ZNRF3: variants seen among roughly 807,000 people sequenced by gnomAD.
The protein encoded by ZNRF3 is E3 ubiquitin-protein ligase ZNRF3.
ZNRF3 carries 23 observed loss-of-function variants against 72.5 expected under a neutral mutation model. That is an observed-to-expected ratio of 0.32 (90% CI 0.23 to 0.45). The LOEUF (loss-of-function observed/expected upper bound fraction) is 0.45, where lower values mean the gene tolerates loss of function less well. Among genes scored for constraint, ZNRF3 ranks in the 20% least tolerant of loss-of-function variants. The pLI is 1.00. For synonymous variants in ZNRF3, 610 were observed against 545.3 expected (o/e 1.12, Z -1.65); for missense variants, 1,169 against 1,272.1 (o/e 0.92, Z 1.23).
chr22:28,939,318 T>G (rs1312798313), intron 1 of ZNRF3, among the ~76,000 whole-genome samples: 3 of 151,544 alleles, frequency 2.0e-5, no homozygotes, highest in Non-Finnish European at 4.4e-5. Flanking sequence ...CAAAATATAC[T>G]TCATATGTTT....
intron 1 of ZNRF3, among the ~76,000 whole-genome samples, chr22:28,903,975 C>T (rs948728164): frequency 1.3e-5 from 2 of 151,960 alleles, no homozygotes; most frequent in Non-Finnish European, 2.9e-5. Context: ...TGGGCCTTCC[C>T]GCTCAACACC....
At chr22:28,886,020 CTTAATTCCCT>C (rs1224224892) in intron 1 of ZNRF3, among the ~76,000 whole-genome samples, 1 of 151,872 alleles carries the variant, frequency 6.6e-6, no homozygotes, top group African/African-American at 2.4e-5. Context: ...AATAGGTGTC[CTTAATTCCCT>C]TATAGCTGCA....
rs2037282515 is a variant in ZNRF3 at position 29,055,456 on chromosome 22, T to C, written c.*1834T>C. 1 of 152,256 alleles carries C rather than the reference T, an allele frequency of 6.6e-6. No homozygotes were observed. The highest frequency in any genetic ancestry group is 6.5e-5 in the Admixed American group (1 of 15,288). The allele number at this position is 152,256 out of a possible 1,614,324, so 9.4% of individuals were successfully genotyped here. A position where few individuals can be genotyped will look rare whatever the true frequency, so the allele number is the denominator to read the frequency against. Reference sequence around the variant, plus strand: ...GAATGTTTTTCTTAACCTCAGCGTATGATGAGGAAATTTACTTATCTCTAG... The same window carrying C: ...GAATGTTTTTCTTAACCTCAGCGTACGATGAGGAAATTTACTTATCTCTAG... On this transcript the variant is annotated 3_prime_UTR_variant, in exon 9 of 9. Coordinates refer to ENST00000544604, the MANE Select transcript of ZNRF3 (RefSeq NM_001206998.2).
At chr22:28,899,176 A>T (rs775487670) in intron 1 of ZNRF3, among the ~76,000 whole-genome samples, 8 of 152,122 alleles carry the variant, frequency 5.3e-5, no homozygotes, top group Non-Finnish European at 8.8e-5. Context: ...ATTAGGCTTA[A>T]ATCTCTAGGA....
At chr22:29,033,570 G>A (rs79127726) in intron 2 of ZNRF3, among the ~76,000 whole-genome samples, 1 of 152,132 alleles carries the variant, frequency 6.6e-6, no homozygotes, top group Non-Finnish European at 1.5e-5. Context: ...GGTGGGCTGG[G>A]CTGAGGAGCC....
chr22:28,920,291 G>C (rs1383234437), intron 1 of ZNRF3, among the ~76,000 whole-genome samples: 1 of 146,928 alleles, frequency 6.8e-6, no homozygotes, highest in African/African-American at 2.5e-5. Context: ...TTTGTTTTGA[G>C]ACAGAGTCTC....
At chr22:28,975,502 T>C in intron 1 of ZNRF3, among the ~76,000 whole-genome samples, 1 of 97,062 alleles carries the variant, frequency 1.0e-5, no homozygotes, top group Non-Finnish European at 2.0e-5. Context: ...AGCGATACTC[T>C]GTCTCAAAAA....
intron 2 of ZNRF3, among the ~76,000 whole-genome samples, chr22:28,992,514 TG>T (rs956223288): frequency 6.6e-6 from 1 of 152,042 alleles, no homozygotes; most frequent in Admixed American, 6.6e-5. Context: ...ATGAACTCTC[TG>T]GGTTTTGAGT....
At chr22:29,051,313 C>A (rs892483300) in intron 8 of ZNRF3, among the ~76,000 whole-genome samples, 1 of 152,064 alleles carries the variant, frequency 6.6e-6, no homozygotes, top group East Asian at 1.9e-4. Context: ...TTTGGGAGGC[C>A]GAGGCTGTGG....
At chr22:28,949,010 G>A (rs752736493) in intron 1 of ZNRF3, among the ~76,000 whole-genome samples, 2 of 152,004 alleles carry the variant, frequency 1.3e-5, no homozygotes, top group African/African-American at 4.8e-5. Flanking sequence ...GTGGAGTTTC[G>A]CTCCTGTTGC....
chr22:28,953,428 A>T (rs1414186287), intron 1 of ZNRF3, among the ~76,000 whole-genome samples: 1 of 152,178 alleles, frequency 6.6e-6, no homozygotes, highest in African/African-American at 2.4e-5. Context: ...TTGTCTCTTA[A>T]GTTGCTTTAA....
At chr22:28,892,594 A>G (rs1400576886) in intron 1 of ZNRF3, among the ~76,000 whole-genome samples, 1 of 152,182 alleles carries the variant, frequency 6.6e-6, no homozygotes, top group Admixed American at 6.5e-5. Flanking sequence ...TTAAAATCTG[A>G]CTTTCAGTGG....
chr22:29,053,723 A>G lies in ZNRF3; in HGVS notation c.*101A>G. ...CAAAAAATTTTTTTAGCTTTGACAA[A>G]CACACAAAAGTGGTAATAAAGAGAG... On this transcript the variant is annotated 3_prime_UTR_variant, in exon 9 of 9. Transcript: ENST00000544604. 7.8e-7 allele frequency: 1 copy of G among 1,275,166 alleles called. No individual in the cohort carries two copies. Among genetic ancestry groups the G allele is most frequent in the Non-Finnish European group, 1.1e-6 (1 of 916,616 alleles). 79.0% of individuals were successfully genotyped at this position (1,275,166 alleles called of 1,614,324 possible). A position where few individuals can be genotyped will look rare whatever the true frequency, so the allele number is the denominator to read the frequency against.
intron 1 of ZNRF3, among the ~76,000 whole-genome samples, chr22:28,898,459 CCTGGGAACATTG>C (rs1213598160): frequency 6.6e-6 from 1 of 152,194 alleles, no homozygotes. Flanking sequence ...GTGTGCCTGC[CCTGGGAACATTG>C]TTCAGAACAT....
intron 1 of ZNRF3, among the ~76,000 whole-genome samples, chr22:28,939,013 G>A (rs373530160): frequency 2.6e-5 from 4 of 152,106 alleles, no homozygotes; most frequent in African/African-American, 7.2e-5. Context: ...GGCCAGGCAC[G>A]GTGGCTCATG....
rs917012151 is a variant in ZNRF3, at chr22:29,050,397, T to C, written c.2216T>C (p.Leu739Pro). ...AGCACCTTGTTCCTGGGGCCCCACC[T>C]CTACGAGGGCTCTGGCCCGGCGGGT... ...GSSTLFLGPH[L>P]YEGSGPAGGE... The change falls in exon 8 of 9, where the codon CTC becomes CCC. Residue 739 changes from leucine to proline, a missense_variant. This residue lies in a region of ZNRF3 where 783 missense variants were observed against 731.4 expected (regional missense o/e 1.07). Transcript: ENST00000544604. 9 of 1,605,192 alleles carry C rather than the reference T, an allele frequency of 5.6e-6. No homozygotes were observed. The highest frequency in any genetic ancestry group is 7.7e-6 in the Non-Finnish European group (9 of 1,174,886).
intron 1 of ZNRF3, among the ~76,000 whole-genome samples, chr22:28,985,897 A>C (rs983205779): frequency 9.2e-5 from 14 of 152,200 alleles, no homozygotes; most frequent in African/African-American, 3.4e-4. Context: ...TCTTTCTGGA[A>C]GCTTGAGGGG....
intron 1 of ZNRF3, among the ~76,000 whole-genome samples, chr22:28,909,010 C>A (rs2034265518): frequency 6.6e-6 from 1 of 152,162 alleles, no homozygotes; most frequent in Non-Finnish European, 1.5e-5. Flanking sequence ...ATTCTTCTGC[C>A]TCAGCCTCCT....
intron 2 of ZNRF3, among the ~76,000 whole-genome samples, chr22:29,023,704 C>A (rs1304904203): frequency 2.0e-5 from 3 of 152,206 alleles, no homozygotes. Flanking sequence ...GTGGGGCTGT[C>A]TGGCCAGAAC....
Sources: allele counts gnomAD v4.1 joint callset (sites outside exome capture counted in the v4.1 genomes callset), GRCh38; gene constraint gnomAD v4.1.1; regional missense constraint gnomAD v4.1.1; transcripts MANE v1.5; gene names NCBI Gene and HGNC (gene_info 2026-07-23, HGNC 2026-07-21).